The following ZNF385B variants were observed in gnomAD, a reference collection of about 807,000 sequenced individuals.
ZNF385B encodes the protein zinc finger protein 533.
Under a neutral mutation model 39.2 loss-of-function variants are expected in ZNF385B, and 23 were observed. The ratio of observed to expected loss-of-function variants is 0.59; its 90% CI spans 0.42 to 0.83. The LOEUF (loss-of-function observed/expected upper bound fraction) is 0.83, where lower values mean the gene tolerates loss of function less well. Among genes scored for constraint, ZNF385B ranks in the 40% least tolerant of loss-of-function variants. The pLI, the probability that ZNF385B is intolerant of heterozygous loss-of-function variation, is 0.00. For synonymous variants in ZNF385B, 205 were observed against 222.6 expected (o/e 0.92, Z 0.70); for missense variants, 552 against 598.9 (o/e 0.92, Z 0.82).
chr2:179,746,242 G>GCT, intron 3 of ZNF385B, among the ~76,000 whole-genome samples: 1 of 152,110 alleles, frequency 6.6e-6, no homozygotes. Flanking sequence ...GTTAAAAATA[G>GCT]CTCTGGCTTT....
chr2:179,806,860 A>T (rs1297735240), intron 1 of ZNF385B, among the ~76,000 whole-genome samples: 1 of 152,242 alleles, frequency 6.6e-6, no homozygotes, highest in East Asian at 1.9e-4. Flanking sequence ...ACTAGTAATC[A>T]GGGAAATACA....
rs115719279 is a variant in ZNF385B, at chr2:179,817,867, G to A, written c.-155+43234C>T. Among the ~76,000 whole-genome samples, 1,519 of 152,294 alleles carry A rather than the reference G, an allele frequency of 1.0e-2. 11 individuals are homozygous for A. Among genetic ancestry groups the A allele is most frequent in the Non-Finnish European group, 0.017 (1,186 of 68,030 alleles). ...TCAATCTGAGAAAGAGAAAGTTCAT[G>A]CGCATACGCAATTTTCCCCTTGGAA... On this transcript the variant is annotated intron_variant, in intron 1 of 9. Coordinates refer to ENST00000410066, the MANE Select transcript of ZNF385B (RefSeq NM_152520.6).
chr2:179,779,147 T>TA (rs750322051), intron 1 of ZNF385B, among the ~76,000 whole-genome samples: 17 of 152,242 alleles, frequency 1.1e-4, no homozygotes, highest in African/African-American at 2.6e-4. Context: ...ACCAGTATTC[T>TA]AAAAAACACA....
At chr2:179,752,098 C>T (rs964038585) in intron 3 of ZNF385B, among the ~76,000 whole-genome samples, 3 of 152,010 alleles carry the variant, frequency 2.0e-5, no homozygotes, top group Non-Finnish European at 2.9e-5. Flanking sequence ...CCCCACCCCA[C>T]GACAGGCCCC....
intron 3 of ZNF385B, among the ~76,000 whole-genome samples, chr2:179,579,423 G>A (rs1040844888): frequency 6.6e-6 from 1 of 151,980 alleles, no homozygotes; most frequent in African/African-American, 2.4e-5. Flanking sequence ...TCATACCAAA[G>A]TTAGATAACT....
chr2:179,450,122 A>C (rs1436148351), intron 6 of ZNF385B, among the ~76,000 whole-genome samples: 1 of 151,776 alleles, frequency 6.6e-6, no homozygotes, highest in Admixed American at 6.6e-5. Context: ...TAAAGACTTA[A>C]ATGTTAGACC....
At chr2:179,842,216 GAGA>G (rs1708572604) in intron 1 of ZNF385B, among the ~76,000 whole-genome samples, 1 of 152,190 alleles carries the variant, frequency 6.6e-6, no homozygotes, top group East Asian at 1.9e-4. Context: ...TTCCAAGTCA[GAGA>G]AGGAGAATGT....
intron 3 of ZNF385B, among the ~76,000 whole-genome samples, chr2:179,682,464 G>A (rs1483496884): frequency 6.6e-6 from 1 of 152,024 alleles, no homozygotes; most frequent in African/African-American, 2.4e-5. Flanking sequence ...TTTATGTTCT[G>A]ATCCCAAAAT....
chr2:179,740,756 C>T (rs1190875524), intron 3 of ZNF385B, among the ~76,000 whole-genome samples: 1 of 151,980 alleles, frequency 6.6e-6, no homozygotes, highest in African/African-American at 2.4e-5. Flanking sequence ...AGTTTAAATA[C>T]AAGAAAAGGC....
intron 1 of ZNF385B, among the ~76,000 whole-genome samples, chr2:179,793,600 C>T (rs1349936788): frequency 1.3e-5 from 2 of 152,214 alleles, no homozygotes; most frequent in African/African-American, 2.4e-5. Flanking sequence ...GCTTTCACTT[C>T]CATCATGATT....
chr2:179,732,698 A>G (rs1701474396), intron 3 of ZNF385B, among the ~76,000 whole-genome samples: 1 of 152,202 alleles, frequency 6.6e-6, no homozygotes, highest in African/African-American at 2.4e-5. Context: ...AAGAGAATTC[A>G]TCATAAAATG....
intron 3 of ZNF385B, among the ~76,000 whole-genome samples, chr2:179,596,240 A>T (rs1687988628): frequency 1.3e-5 from 2 of 152,308 alleles, no homozygotes; most frequent in East Asian, 3.9e-4. Context: ...TCTTACTTAC[A>T]GGCTCTCAAT....
intron 6 of ZNF385B, among the ~76,000 whole-genome samples, chr2:179,480,409 T>C (rs2053864568): frequency 6.6e-6 from 1 of 152,204 alleles, no homozygotes; most frequent in Non-Finnish European, 1.5e-5. Context: ...GAAGCACTGA[T>C]TTTTGTGTCT....
intron 1 of ZNF385B, among the ~76,000 whole-genome samples, chr2:179,810,066 C>A (rs551959198): frequency 1.2e-3 from 185 of 151,926 alleles, no homozygotes; most frequent in African/African-American, 4.2e-3. Context: ...CATCAGGAGT[C>A]AATATGTAAT....
At chr2:179,766,169 TC>T (rs1187071497) in intron 3 of ZNF385B, among the ~76,000 whole-genome samples, 1 of 152,010 alleles carries the variant, frequency 6.6e-6, no homozygotes, top group African/African-American at 2.4e-5. Context: ...CAGAAGAACT[TC>T]CAGTGGTTAG....
chr2:179,796,239 A>T (rs1705656611), intron 1 of ZNF385B: 1 of 152,216 alleles, frequency 6.6e-6, no homozygotes, highest in African/African-American at 2.4e-5. Flanking sequence ...ATGTTCTGAC[A>T]GTCCACAGAT....
chr2:179,465,308 T>TAATTC (rs1401893049), intron 6 of ZNF385B, among the ~76,000 whole-genome samples: 1 of 152,154 alleles, frequency 6.6e-6, no homozygotes, highest in Non-Finnish European at 1.5e-5. Context: ...TTACATGATC[T>TAATTC]AATTCAATTC....
intron 6 of ZNF385B, among the ~76,000 whole-genome samples, chr2:179,455,314 G>A (rs1233704584): frequency 6.6e-6 from 1 of 151,980 alleles, no homozygotes; most frequent in Admixed American, 6.6e-5. Flanking sequence ...TTGAGTTATA[G>A]TTCCCATAAT....
intron 3 of ZNF385B, among the ~76,000 whole-genome samples, chr2:179,582,535 G>A (rs1321603102): frequency 2.6e-5 from 4 of 152,080 alleles, no homozygotes; most frequent in East Asian, 3.9e-4. Context: ...TCTCTTCCCC[G>A]GTATTATCCT....
Sources: allele counts gnomAD v4.1 joint callset (sites outside exome capture counted in the v4.1 genomes callset), GRCh38; gene constraint gnomAD v4.1.1; transcripts MANE v1.5; gene names NCBI Gene and HGNC (gene_info 2026-07-23, HGNC 2026-07-21).